GPR26: variants seen among roughly 807,000 people sequenced by gnomAD.
GPR26 encodes the protein G protein-coupled receptor 26.
A neutral mutation model predicts 23.1 loss-of-function variants in GPR26; 15 were observed. That is an observed-to-expected ratio of 0.65 (90% CI 0.43 to 1.00). The LOEUF is 1.00. Ranked by LOEUF, GPR26 falls within the 50% of genes least tolerant of loss-of-function variation. The pLI is 0.00. For synonymous variants in GPR26, 228 were observed against 222.1 expected (o/e 1.03, Z -0.24); for missense variants, 359 against 470.5 (o/e 0.76, Z 2.19).
intron 1 of GPR26, among the ~76,000 whole-genome samples, chr10:123,669,013 G>A (rs1845220875): frequency 6.6e-6 from 1 of 152,206 alleles, no homozygotes; most frequent in Non-Finnish European, 1.5e-5. Context: ...TCTCAGGAGT[G>A]GAGGCAGCTA....
intron 1 of GPR26, among the ~76,000 whole-genome samples, chr10:123,671,069 G>T (rs920573663): frequency 6.6e-6 from 1 of 152,156 alleles, no homozygotes; most frequent in African/African-American, 2.4e-5. Context: ...CAGTCGGCTT[G>T]TTCCCTTGCC....
chr10:123,680,827 TGGG>T lies in GPR26; in HGVS notation c.782+5905_782+5907del, dbSNP rs71026068. Reference sequence around the variant, plus strand: ...TTTTTTTTGTTTTGTTTTGTTTTTTTGGGGGGGGGGGTTGTTTTTTTGTTTTTT... The same window carrying T: ...TTTTTTTTGTTTTGTTTTGTTTTTTTGGGGGGGGTTGTTTTTTTGTTTTTT... On this transcript the variant is annotated intron_variant, in intron 2 of 2. Transcript: ENST00000284674. Among the ~76,000 whole-genome samples, 8 of 95,712 alleles carry T rather than the reference TGGG, an allele frequency of 8.4e-5. 1 individual carries two copies. Among genetic ancestry groups the T allele is most frequent in the South Asian group, 3.8e-4 (1 of 2,610 alleles). 62.8% of individuals were successfully genotyped at this position (95,712 alleles called of 152,430 possible).
chr10:123,686,161 A>G (rs1024038630), intron 2 of GPR26, among the ~76,000 whole-genome samples: 40 of 152,328 alleles, frequency 2.6e-4, no homozygotes, highest in Admixed American at 2.0e-4. Context: ...CTTTCAATAA[A>G]TCCTTTTGGG....
chr10:123,695,781 G>C lies in GPR26; in HGVS notation c.*7621G>C, dbSNP rs1046415708. Reference sequence around the variant, plus strand: ...CAAACTCTCTGCTCTAACAACCTTCGAATGTCAAGTTCCCTTGCAAGCTGA... The same window carrying C: ...CAAACTCTCTGCTCTAACAACCTTCCAATGTCAAGTTCCCTTGCAAGCTGA... On this transcript the variant is annotated 3_prime_UTR_variant, in exon 3 of 3. Transcript: ENST00000284674. Among the ~76,000 whole-genome samples the C allele has an allele frequency of 6.6e-6, 1 of 152,120 alleles. No individual in the cohort carries two copies. Among genetic ancestry groups the C allele is most frequent in the Non-Finnish European group, 1.5e-5 (1 of 68,028 alleles).
In GPR26 at chr10:123,691,692, G is replaced by A. The variant is rs7084727; in HGVS notation, c.*3532G>A. On this transcript the variant is annotated 3_prime_UTR_variant, in exon 3 of 3. Transcript: ENST00000284674. ...GGAGCATCATGGGAAAAAGAGGTCC[G>A]AGTCATATTTAGGGCTTCATGTGTC... is the stretch of plus-strand genomic sequence containing the variant. 0.25 allele frequency: 37,632 copies of A among 152,076 alleles called. 5,445 individuals carry two copies. The highest frequency in any genetic ancestry group is 0.34 in the Non-Finnish European group (23,140 of 67,966). The allele number at this position is 152,076 out of a possible 1,614,324, so 9.4% of individuals were successfully genotyped here. A position where few individuals can be genotyped will look rare whatever the true frequency, so the allele number is the denominator to read the frequency against.
At position 123,674,276 on chromosome 10, in the gene GPR26, T is replaced by G. The variant is rs1845282826; in HGVS notation, c.669-542T>G. Among the ~76,000 whole-genome samples the G allele has an allele frequency of 6.6e-6, 1 of 152,018 alleles. No individual in the cohort carries two copies. ...CCAGGCCGAGCTCATGGTTTTTCAT[T>G]GTAAACCAGGGCAGGTAAAAACTTT... On this transcript the variant is annotated intron_variant, in intron 1 of 2. Transcript: ENST00000284674. This position sits in a 1 kb window ranked among gnomAD's most constrained non-coding sequence, Gnocchi z 4.1.
intron 2 of GPR26, among the ~76,000 whole-genome samples, chr10:123,678,975 C>T (rs977170106): frequency 2.0e-5 from 3 of 152,230 alleles, no homozygotes; most frequent in African/African-American, 7.2e-5. Flanking sequence ...TAAGATCGCC[C>T]TGCAAAGCAT....
intron 1 of GPR26, among the ~76,000 whole-genome samples, chr10:123,669,383 T>G (rs1240114660): frequency 6.6e-6 from 1 of 152,312 alleles, no homozygotes; most frequent in Non-Finnish European, 1.5e-5. Flanking sequence ...AGCTTCTATC[T>G]TGACAGCACT....
intron 2 of GPR26, among the ~76,000 whole-genome samples, chr10:123,687,505 A>G (rs190790791): frequency 5.3e-5 from 8 of 152,318 alleles, no homozygotes; most frequent in Admixed American, 5.2e-4. Flanking sequence ...GCCAAAGCCA[A>G]GACAGCCAGC....
chr10:123,678,865 C>T (rs902068329), intron 2 of GPR26, among the ~76,000 whole-genome samples: 1 of 152,222 alleles, frequency 6.6e-6, no homozygotes, highest in African/African-American at 2.4e-5. Flanking sequence ...TCACAGTCAC[C>T]TCCAGGGAGC....
chr10:123,671,335 G>A (rs966674164), intron 1 of GPR26, among the ~76,000 whole-genome samples: 6 of 152,182 alleles, frequency 3.9e-5, no homozygotes, highest in African/African-American at 7.2e-5. Flanking sequence ...TCATAATGCT[G>A]GAGGGCCTGT....
rs1234617486 is a variant in GPR26, at chr10:123,696,338, A to C, written c.*8178A>C. On this transcript the variant is annotated 3_prime_UTR_variant, in exon 3 of 3. Transcript: ENST00000284674. ...ATCCTCAGTCCTCCTGGAGGCTCCT[A>C]GTAATGAGGGCACTGAACACCAATT... Among the ~76,000 whole-genome samples, 1 of 152,180 alleles carries C rather than the reference A, an allele frequency of 6.6e-6. No homozygotes were observed. Among genetic ancestry groups the C allele is most frequent in the Non-Finnish European group, 1.5e-5 (1 of 68,040 alleles).
In GPR26 at chr10:123,690,378, T is replaced by C. The variant is rs1845478937; in HGVS notation, c.*2218T>C. The C allele has an allele frequency of 6.6e-6, 1 of 152,236 alleles. No homozygotes were observed. The highest frequency in any genetic ancestry group is 2.4e-5 in the African/African-American group (1 of 41,442). 9.4% of individuals were successfully genotyped at this position (152,236 alleles called of 1,614,324 possible). ...CAAATTCCAGCAGCAAAATACATTT[T>C]CATCAATATCACTTTGGGAGAATAA... On this transcript the variant is annotated 3_prime_UTR_variant, in exon 3 of 3. Coordinates refer to ENST00000284674, the MANE Select transcript of GPR26 (RefSeq NM_153442.4).
chr10:123,683,673 G>C (rs11248642), intron 2 of GPR26, among the ~76,000 whole-genome samples: 1 of 152,092 alleles, frequency 6.6e-6, no homozygotes, highest in Non-Finnish European at 1.5e-5. Flanking sequence ...CCTGGACTGC[G>C]GCAGCCAGCT....
At position 123,666,425 on chromosome 10, in the gene GPR26, G is replaced by C; in HGVS notation, c.18G>C (p.Ala6=). 1.3e-6 allele frequency: 2 copies of C among 1,513,926 alleles called. No homozygotes were observed. The highest frequency in any genetic ancestry group is 1.2e-5 in the South Asian group (1 of 80,388). The allele number at this position is 1,513,926 out of a possible 1,614,324, so 93.8% of individuals were successfully genotyped here. A position where few individuals can be genotyped will look rare whatever the true frequency, so the allele number is the denominator to read the frequency against. The change falls in exon 1 of 3, where the codon GCG becomes GCC. Residue 6 remains alanine (A), a synonymous_variant. Coordinates refer to ENST00000284674, the MANE Select transcript of GPR26 (RefSeq NM_153442.4). ...CGCGCACCATGAACTCGTGGGACGC[G>C]GGCCTGGCGGGGCTACTGGTGGGCA... MNSWD[A]GLAGLLVGTM...
At chr10:123,679,393 C>G (rs1172364934) in intron 2 of GPR26, among the ~76,000 whole-genome samples, 2 of 152,198 alleles carry the variant, frequency 1.3e-5, no homozygotes, top group African/African-American at 2.4e-5. Context: ...ATTTTTTCTT[C>G]GGTTTACCAA....
rs1845499086 is a variant in GPR26 at position 123,692,467 on chromosome 10, AC to A, written c.*4310del. The A allele has an allele frequency of 6.6e-6, 1 of 152,294 alleles. No homozygotes were observed. Among genetic ancestry groups the A allele is most frequent in the Admixed American group, 6.5e-5 (1 of 15,284 alleles). The allele number at this position is 152,294 out of a possible 1,614,324, so 9.4% of individuals were successfully genotyped here. ...GCTCCCAGCTCATCCCGTGTGGCTGACCCTTCCAGGTCACTTGGAGCAGCCA... is the reference window on the plus strand; with the variant it reads ...GCTCCCAGCTCATCCCGTGTGGCTGACCTTCCAGGTCACTTGGAGCAGCCA... On this transcript the variant is annotated 3_prime_UTR_variant, in exon 3 of 3. Coordinates refer to ENST00000284674, the MANE Select transcript of GPR26 (RefSeq NM_153442.4).
Position 123,668,422 on chromosome 10 carries a change from A to C in GPR26, c.668+1347A>C, listed in dbSNP as rs182815973. Reference sequence around the variant, plus strand: ...CAGGAACAGAATGTACATGTGAGTGACTGAGAGCACATAGATACCAGGCCA... The same window carrying C: ...CAGGAACAGAATGTACATGTGAGTGCCTGAGAGCACATAGATACCAGGCCA... On this transcript the variant is annotated intron_variant, in intron 1 of 2. Transcript: ENST00000284674. Among the ~76,000 whole-genome samples the C allele has an allele frequency of 3.3e-4, 50 of 152,332 alleles. 2 individuals are homozygous for C. In the East Asian group the frequency reaches 5.2e-3, roughly 16 times the overall value.
rs1845534758 is a variant in GPR26 at position 123,695,569 on chromosome 10, A to G, written c.*7409A>G. 6.6e-6 allele frequency among the ~76,000 whole-genome samples: 1 copy of G among 152,130 alleles called. No individual in the cohort carries two copies. Among genetic ancestry groups the G allele is most frequent in the African/African-American group, 2.4e-5 (1 of 41,428 alleles). ...GGGTTTGATGTCGGGGGAGCATTGG[A>G]TGCCATCACGTTGACACTCAATTGA... On this transcript the variant is annotated 3_prime_UTR_variant, in exon 3 of 3. Coordinates refer to ENST00000284674, the MANE Select transcript of GPR26 (RefSeq NM_153442.4).
Sources: allele counts gnomAD v4.1 joint callset (sites outside exome capture counted in the v4.1 genomes callset), GRCh38; gene constraint gnomAD v4.1.1; non-coding constraint Gnocchi (gnomAD v3.1); transcripts MANE v1.5; gene names NCBI Gene and HGNC (gene_info 2026-07-23, HGNC 2026-07-21).